The following FOXK2 variants were observed in gnomAD, a reference collection of about 807,000 sequenced individuals.
The protein encoded by FOXK2 is forkhead box protein K2.
FOXK2 carries 24 observed loss-of-function variants against 53.3 expected under a neutral mutation model. The observed-to-expected ratio is 0.45, with a 90% CI of 0.33 to 0.63. FOXK2 has a LOEUF of 0.63. Ranked by LOEUF, FOXK2 falls within the 30% of genes least tolerant of loss-of-function variation. The probability of loss-of-function intolerance (pLI) is 0.03; values close to 1 mark genes in which losing one functional copy is unlikely to be tolerated. For synonymous variants in FOXK2, 505 were observed against 407.1 expected (o/e 1.24, Z -2.89); for missense variants, 952 against 910.5 (o/e 1.05, Z -0.59).
chr17:82,597,387 C>A (rs1324195516), intron 8 of FOXK2, among the ~76,000 whole-genome samples: 1 of 152,210 alleles, frequency 6.6e-6, no homozygotes, highest in African/African-American at 2.4e-5. Context: ...TCTTGTGGCC[C>A]ACCCCGGGGC....
At chr17:82,584,692 A>G (rs1043985565) in intron 6 of FOXK2, among the ~76,000 whole-genome samples, 5 of 151,298 alleles carry the variant, frequency 3.3e-5, no homozygotes, top group Non-Finnish European at 7.4e-5. Context: ...ACAGGCACAC[A>G]CCACCACACC....
chr17:82,566,482 A>G (rs11658011), intron 2 of FOXK2, among the ~76,000 whole-genome samples: 39,456 of 151,996 alleles, frequency 0.26, 5,456 homozygotes, highest in East Asian at 0.39. Context: ...GTAAGTGTGC[A>G]AGTGGGTAGG....
intron 1 of FOXK2, among the ~76,000 whole-genome samples, chr17:82,534,253 A>T (rs1947711245): frequency 6.6e-6 from 1 of 152,110 alleles, no homozygotes. Flanking sequence ...CTCGAAAAAA[A>T]AAGAAAAGAT....
Position 82,522,651 on chromosome 17 carries a change from A to G in FOXK2, c.419+2344A>G, listed in dbSNP as rs144280817. Among the ~76,000 whole-genome samples the G allele has an allele frequency of 3.7e-3, 553 of 151,422 alleles. 2 individuals are homozygous for G. The highest frequency in any genetic ancestry group is 0.012 in the African/African-American group (487 of 41,278). On this transcript the variant is annotated intron_variant, in intron 1 of 8. Coordinates refer to ENST00000335255, the MANE Select transcript of FOXK2 (RefSeq NM_004514.4). ...CTCCCAAAGTGCTGCGATTACAGGCATGAGCCACTGTGCCTGGCCCGATTT... is the reference window on the plus strand; with the variant it reads ...CTCCCAAAGTGCTGCGATTACAGGCGTGAGCCACTGTGCCTGGCCCGATTT...
intron 1 of FOXK2, among the ~76,000 whole-genome samples, chr17:82,535,722 C>T (rs2044513356): frequency 6.7e-6 from 1 of 150,168 alleles, no homozygotes; most frequent in African/African-American, 2.4e-5. Flanking sequence ...CGTTGTTTTC[C>T]TTATCTCTTT....
intron 6 of FOXK2, 128 bp downstream of exon 6, chr17:82,584,316 AT>A: frequency 1.0e-6 from 1 of 969,580 alleles, no homozygotes; most frequent in Non-Finnish European, 1.4e-6. Flanking sequence ...CTAGTACCTG[AT>A]TTTATAGGCC....
chr17:82,567,779 C>T (rs535763192), intron 2 of FOXK2, among the ~76,000 whole-genome samples: 1 of 148,102 alleles, frequency 6.8e-6, no homozygotes, highest in East Asian at 2.1e-4. Flanking sequence ...GGGCCACTGC[C>T]TCCCCTGAGA....
At chr17:82,571,377 G>C (rs990020710) in intron 3 of FOXK2, among the ~76,000 whole-genome samples, 1 of 152,164 alleles carries the variant, frequency 6.6e-6, no homozygotes, top group African/African-American at 2.4e-5. Flanking sequence ...GAGGCAGGCG[G>C]ATCACCTGAG....
chr17:82,576,360 A>C (rs911427504), intron 4 of FOXK2, among the ~76,000 whole-genome samples: 1 of 152,250 alleles, frequency 6.6e-6, no homozygotes, highest in African/African-American at 2.4e-5. Flanking sequence ...CGTCTGACTC[A>C]GAAGCTCCTG....
chr17:82,559,549 G>C (rs983365930), intron 1 of FOXK2: 3 of 451,302 alleles, frequency 6.6e-6, no homozygotes, highest in African/African-American at 2.0e-5. Context: ...GCAGTGAGGA[G>C]GACTCAGGAG....
intron 7 of FOXK2, among the ~76,000 whole-genome samples, chr17:82,586,401 CGGGGG>C (rs1555642379): frequency 3.6e-4 from 15 of 41,190 alleles, no homozygotes; most frequent in East Asian, 9.3e-4. Flanking sequence ...GAAAGGTGGG[CGGGGG>C]GGAAAGGAGG....
At chr17:82,582,683 A>C in intron 4 of FOXK2, 58 bp from the exon 5 acceptor site, 2 of 1,431,292 alleles carry the variant, frequency 1.4e-6, no homozygotes, top group Non-Finnish European at 1.9e-6. Context: ...ACGAGGACAC[A>C]TTTTTATTTC....
chr17:82,539,391 A>G (rs1413308115), intron 1 of FOXK2, among the ~76,000 whole-genome samples: 1 of 152,050 alleles, frequency 6.6e-6, no homozygotes, highest in Non-Finnish European at 1.5e-5. Context: ...TCAGGCCTGT[A>G]GTCTCAACAC....
chr17:82,551,331 A>T (rs867817561), intron 1 of FOXK2, among the ~76,000 whole-genome samples: 10 of 11,970 alleles, frequency 8.4e-4, no homozygotes, highest in Non-Finnish European at 1.8e-3. Flanking sequence ...AAAAAAATTA[A>T]AAAAAAAATA....
chr17:82,586,253 G>GGGAAAGGAGGAGAGGGGAGA (rs1567984946), intron 7 of FOXK2, 53 bp downstream of exon 7: 1 of 344,316 alleles, frequency 2.9e-6, no homozygotes, highest in Non-Finnish European at 4.4e-6. Context: ...TGAAAGGTGG[G>GGGAAAGGAGGAGAGGGGAGA]CCGGGGGGGG....
intron 1 of FOXK2, among the ~76,000 whole-genome samples, chr17:82,535,829 C>T (rs2044515584): frequency 6.8e-6 from 1 of 148,042 alleles, no homozygotes; most frequent in Non-Finnish European, 1.5e-5. Flanking sequence ...CTCACTGAAA[C>T]CTCTTCTGGT....
chr17:82,529,765 T>G (rs1192429162), intron 1 of FOXK2, among the ~76,000 whole-genome samples: 2 of 152,124 alleles, frequency 1.3e-5, no homozygotes, highest in Non-Finnish European at 2.9e-5. Context: ...CTTTGCAGCT[T>G]TGAAAGGACA....
chr17:82,589,033 G>T (rs1042159843), intron 8 of FOXK2, among the ~76,000 whole-genome samples: 1 of 151,966 alleles, frequency 6.6e-6, no homozygotes, highest in Non-Finnish European at 1.5e-5. Flanking sequence ...ACTCCAGCCC[G>T]GGCGACCGTG....
Position 82,570,577 on chromosome 17 carries a change from G to A in FOXK2, c.763-1147G>A, listed in dbSNP as rs556979520. Among the ~76,000 whole-genome samples, 100 of 152,320 alleles carry A rather than the reference G, an allele frequency of 6.6e-4. 1 individual carries two copies. The highest frequency in any genetic ancestry group is 2.3e-3 in the African/African-American group (96 of 41,574). On this transcript the variant is annotated intron_variant, in intron 3 of 8. Transcript: ENST00000335255. ...CTGTGCTATGGAAGCCCATGTGGGC[G>A]CCTCTGATATCCTTGCCTCCTGTCT...
Sources: gnomAD v4.1 joint callset for allele counts (sites outside exome capture counted in the v4.1 genomes callset) on GRCh38, gnomAD v4.1.1 for gene constraint, MANE v1.5 for transcripts, NCBI Gene and HGNC (gene_info 2026-07-23, HGNC 2026-07-21) for gene names.